Variants in GLRA3 observed in about 807,000 individuals in gnomAD.
GLRA3 encodes glycine receptor alpha 3, also known as glycine receptor subunit alpha-3.
GLRA3 carries 44 observed loss-of-function variants against 60.4 expected under a neutral mutation model. That is an observed-to-expected ratio of 0.73 (90% CI 0.57 to 0.94). GLRA3 has a LOEUF of 0.94. GLRA3 is among the 40% of genes least tolerant of loss of function. The pLI, the probability that GLRA3 is intolerant of heterozygous loss-of-function variation, is 0.00. For synonymous variants in GLRA3, 223 were observed against 192.9 expected, an observed-to-expected ratio of 1.16 and a Z score of -1.29; for missense variants, 508 against 564.6, an observed-to-expected ratio of 0.90 and a Z score of 1.02.
chr4:174,660,656 G>A (rs946544148), intron 7 of GLRA3, among the ~76,000 whole-genome samples: 1 of 152,160 alleles, frequency 6.6e-6, no homozygotes, highest in Admixed American at 6.5e-5. Flanking sequence ...AACATTCGTT[G>A]ATGATTTTTG....
chr4:174,660,964 C>A (rs1733410772), intron 7 of GLRA3, among the ~76,000 whole-genome samples: 1 of 152,154 alleles, frequency 6.6e-6, no homozygotes, highest in African/African-American at 2.4e-5. Flanking sequence ...ATTATTTGAG[C>A]ATTTCCTCAC....
chr4:174,810,451 T>G (rs1463504356), intron 1 of GLRA3, among the ~76,000 whole-genome samples: 2 of 151,556 alleles, frequency 1.3e-5, no homozygotes, highest in Non-Finnish European at 2.9e-5. Flanking sequence ...ATATATATTA[T>G]ATACATATGT....
chr4:174,691,956 T>C (rs1275519135), intron 5 of GLRA3, among the ~76,000 whole-genome samples: 1 of 151,758 alleles, frequency 6.6e-6, no homozygotes, highest in African/African-American at 2.4e-5. Flanking sequence ...GGAGTGTCTC[T>C]GCCCGGCCGC....
intron 2 of GLRA3, among the ~76,000 whole-genome samples, chr4:174,777,577 A>G (rs1320849731): frequency 6.6e-6 from 1 of 152,222 alleles, no homozygotes. Flanking sequence ...TCATACCACA[A>G]GCACAGGAGA....
At chr4:174,771,336 C>T (rs2111248834) in intron 2 of GLRA3, among the ~76,000 whole-genome samples, 1 of 152,176 alleles carries the variant, frequency 6.6e-6, no homozygotes, top group Admixed American at 6.5e-5. Context: ...CTAATATGAA[C>T]TCTGAAAAGT....
At chr4:174,654,026 G>C (rs1480819444) in intron 9 of GLRA3, among the ~76,000 whole-genome samples, 1 of 152,048 alleles carries the variant, frequency 6.6e-6, no homozygotes. Context: ...ACAGAATTTT[G>C]TTTGAATCTA....
At chr4:174,706,215 G>A (rs1007372033) in intron 5 of GLRA3, among the ~76,000 whole-genome samples, 3 of 151,166 alleles carry the variant, frequency 2.0e-5, no homozygotes, top group Non-Finnish European at 2.9e-5. Context: ...GGGCGAAAGG[G>A]CGAGACTCCG....
intron 5 of GLRA3, among the ~76,000 whole-genome samples, chr4:174,704,294 C>CA (rs1735435820): frequency 7.0e-6 from 1 of 143,046 alleles, no homozygotes. Context: ...ACCCTATATA[C>CA]AAAAAATGGT....
chr4:174,761,504 G>A (rs140611879), intron 3 of GLRA3, among the ~76,000 whole-genome samples: 4 of 152,118 alleles, frequency 2.6e-5, no homozygotes, highest in African/African-American at 9.6e-5. Flanking sequence ...AACCCAAAAT[G>A]TCTCATCTTT....
intron 2 of GLRA3, among the ~76,000 whole-genome samples, chr4:174,784,208 C>G (rs1739021091): frequency 1.5e-5 from 1 of 66,018 alleles, no homozygotes; most frequent in Admixed American, 1.4e-4. Flanking sequence ...TCTCAGTAAA[C>G]TATCACAAGA....
intron 1 of GLRA3, among the ~76,000 whole-genome samples, chr4:174,805,984 C>T (rs190660374): frequency 1.3e-4 from 20 of 152,112 alleles, no homozygotes; most frequent in Middle Eastern, 6.8e-3. Context: ...TCATGTGGAG[C>T]CTTTGTCCGG....
chr4:174,669,931 T>A (rs1279564606), intron 7 of GLRA3, among the ~76,000 whole-genome samples: 1 of 152,214 alleles, frequency 6.6e-6, no homozygotes, highest in Non-Finnish European at 1.5e-5. Flanking sequence ...AAAACTTCAT[T>A]GTTTCCAAAG....
intron 5 of GLRA3, chr4:174,712,383 A>ACT (rs1396706100): frequency 2.6e-5 from 4 of 152,280 alleles, no homozygotes; most frequent in African/African-American, 9.6e-5. Flanking sequence ...AATTCTTGAA[A>ACT]CAGAGACTTT....
intron 3 of GLRA3, among the ~76,000 whole-genome samples, chr4:174,751,965 T>TGAGAAACACTGCTTTAG (rs926931826): frequency 1.3e-5 from 2 of 151,960 alleles, no homozygotes; most frequent in Admixed American, 1.3e-4. Context: ...AAAAAAGTGT[T>TGAGAAACACTGCTTTAG]GAGAAACACT....
intron 1 of GLRA3, among the ~76,000 whole-genome samples, chr4:174,812,484 T>A (rs770415956): frequency 8.5e-5 from 13 of 152,110 alleles, no homozygotes; most frequent in Non-Finnish European, 1.2e-4. Context: ...GGCCTTTTTA[T>A]TCCTGTAGTG....
intron 5 of GLRA3, among the ~76,000 whole-genome samples, chr4:174,713,327 GC>G (rs1735792970): frequency 6.6e-6 from 1 of 152,096 alleles, no homozygotes; most frequent in Non-Finnish European, 1.5e-5. Context: ...TACTATGTCA[GC>G]TTTTGTGTCC....
intron 7 of GLRA3, among the ~76,000 whole-genome samples, chr4:174,662,915 C>T (rs908122651): frequency 4.0e-5 from 6 of 149,598 alleles, no homozygotes; most frequent in Non-Finnish European, 7.4e-5. Context: ...ATCACATCAG[C>T]GTTTGTCACA....
At chr4:174,736,963 A>G (rs1736815134) in intron 3 of GLRA3, among the ~76,000 whole-genome samples, 1 of 152,218 alleles carries the variant, frequency 6.6e-6, no homozygotes, top group African/African-American at 2.4e-5. Flanking sequence ...TGCCCTGTAT[A>G]TAAAGTTTCA....
At chr4:174,646,931 C>A (rs2110848141) in intron 9 of GLRA3, among the ~76,000 whole-genome samples, 1 of 152,306 alleles carries the variant, frequency 6.6e-6, no homozygotes, top group East Asian at 1.9e-4. Flanking sequence ...TGAGGAGAAT[C>A]TGATGCTGAT....
Sources: allele counts gnomAD v4.1 joint callset (sites outside exome capture counted in the v4.1 genomes callset), GRCh38; gene constraint gnomAD v4.1.1; transcripts MANE v1.5; gene names NCBI Gene and HGNC (gene_info 2026-07-23, HGNC 2026-07-21).